Variants in GPC5 observed in about 807,000 individuals in gnomAD.
GPC5 encodes glypican-5.
GPC5 carries 47 observed loss-of-function variants against 53.9 expected under a neutral mutation model. The observed-to-expected ratio is 0.87, with a 90% CI of 0.69 to 1.11. The LOEUF is 1.11. Ranked by LOEUF, GPC5 falls within the 50% of genes most tolerant of loss-of-function variation. The probability of loss-of-function intolerance (pLI) is 0.00; values close to 1 mark genes in which losing one functional copy is unlikely to be tolerated. For missense variants in GPC5, 748 were observed against 713.1 expected, an observed-to-expected ratio of 1.05 and a Z score of -0.56; for synonymous variants, 286 against 263.3, an observed-to-expected ratio of 1.09 and a Z score of -0.84.
chr13:92,846,038 C>T (rs899398638), intron 7 of GPC5, among the ~76,000 whole-genome samples: 1 of 152,010 alleles, frequency 6.6e-6, no homozygotes, highest in Non-Finnish European at 1.5e-5. Flanking sequence ...AATGAACTGC[C>T]CGAGACTGGG....
chr13:91,678,744 T>G (rs892273370), intron 2 of GPC5, among the ~76,000 whole-genome samples: 143 of 152,072 alleles, frequency 9.4e-4, no homozygotes, highest in African/African-American at 3.2e-3. Context: ...TTTGTTTTTT[T>G]TTTTGTACAT....
intron 7 of GPC5, among the ~76,000 whole-genome samples, chr13:92,470,509 C>T (rs867615259): frequency 5.3e-5 from 8 of 151,882 alleles, no homozygotes; most frequent in African/African-American, 1.7e-4. Flanking sequence ...AGCCCTAAAA[C>T]ATCCAGGTCT....
chr13:92,333,639 G>T (rs2043302990), intron 7 of GPC5, among the ~76,000 whole-genome samples: 1 of 152,062 alleles, frequency 6.6e-6, no homozygotes, highest in Admixed American at 6.6e-5. Context: ...TCCTGTTCCT[G>T]ACACCTTACT....
intron 2 of GPC5, among the ~76,000 whole-genome samples, chr13:91,573,731 T>G (rs1262129683): frequency 6.6e-6 from 1 of 152,190 alleles, no homozygotes; most frequent in East Asian, 1.9e-4. Flanking sequence ...TTTACAGTCT[T>G]GGACACTAAG....
rs376623392 is a variant in GPC5 at position 92,471,440 on chromosome 13, C to T, written c.1561+326451C>T. 1.2e-3 allele frequency among the ~76,000 whole-genome samples: 188 copies of T among 152,104 alleles called. 1 individual carries two copies. The South Asian group carries it at 0.032, about 26-fold the overall frequency. On this transcript the variant is annotated intron_variant, in intron 7 of 7. Coordinates refer to ENST00000377067, the MANE Select transcript of GPC5 (RefSeq NM_004466.6). Reference sequence around the variant, plus strand: ...AAGAAAGGGAAGCTCCAAAGAAACACGCTGAGGTCTTTTGGTTACTTATCT... The same window carrying T: ...AAGAAAGGGAAGCTCCAAAGAAACATGCTGAGGTCTTTTGGTTACTTATCT...
At chr13:91,502,234 A>G (rs1884678574) in intron 2 of GPC5, among the ~76,000 whole-genome samples, 1 of 151,898 alleles carries the variant, frequency 6.6e-6, no homozygotes, top group African/African-American at 2.4e-5. Flanking sequence ...TGCTGTGCAG[A>G]AGCTCTTTAG....
At chr13:92,744,504 A>T (rs1409928663) in intron 7 of GPC5, among the ~76,000 whole-genome samples, 1 of 138,822 alleles carries the variant, frequency 7.2e-6, no homozygotes, top group Non-Finnish European at 1.5e-5. Context: ...ACTATACAGG[A>T]AAAAAAAAAA....
intron 7 of GPC5, among the ~76,000 whole-genome samples, chr13:92,826,617 T>G (rs181920298): frequency 2.0e-5 from 3 of 152,300 alleles, no homozygotes; most frequent in Admixed American, 6.5e-5. Context: ...GAGAATCTCC[T>G]TAAAATATAT....
chr13:91,974,554 A>T (rs964093787), intron 6 of GPC5, among the ~76,000 whole-genome samples: 6 of 152,078 alleles, frequency 3.9e-5, no homozygotes, highest in Admixed American at 3.3e-4. Context: ...TAGGAATCCA[A>T]CTTACAAGGG....
chr13:92,629,903 T>C (rs1007764522), intron 7 of GPC5, among the ~76,000 whole-genome samples: 8 of 152,166 alleles, frequency 5.3e-5, no homozygotes, highest in Non-Finnish European at 1.2e-4. Context: ...CTTCAAATAC[T>C]TGATGACAGG....
In GPC5 at chr13:91,603,563, C is replaced by G. The variant is rs149925092; in HGVS notation, c.326-89624C>G. On this transcript the variant is annotated intron_variant, in intron 2 of 7. Transcript: ENST00000377067. ...GAAGATTGCTAAGGCCCAAATGATGCAGGTGTTATTGCTGAATTTACTGAA... is the reference window on the plus strand; with the variant it reads ...GAAGATTGCTAAGGCCCAAATGATGGAGGTGTTATTGCTGAATTTACTGAA... 2.1e-3 allele frequency among the ~76,000 whole-genome samples: 327 copies of G among 152,304 alleles called. 3 individuals are homozygous for G. The highest frequency in any genetic ancestry group is 7.5e-3 in the African/African-American group (310 of 41,576).
At chr13:91,783,096 T>C (rs2037823441) in intron 5 of GPC5, among the ~76,000 whole-genome samples, 1 of 151,902 alleles carries the variant, frequency 6.6e-6, no homozygotes, top group Non-Finnish European at 1.5e-5. Context: ...CTACTAAACA[T>C]ACCAAAAATT....
At chr13:91,965,331 T>A (rs1377974979) in intron 6 of GPC5, among the ~76,000 whole-genome samples, 5 of 152,186 alleles carry the variant, frequency 3.3e-5, no homozygotes, top group African/African-American at 1.2e-4. Context: ...AGAAGGCATT[T>A]TGGTTGTGAA....
At chr13:91,764,085 A>C (rs2037473384) in intron 5 of GPC5, among the ~76,000 whole-genome samples, 1 of 152,156 alleles carries the variant, frequency 6.6e-6, no homozygotes, top group Non-Finnish European at 1.5e-5. Flanking sequence ...CGAATCCTTG[A>C]ACACAGTTGA....
intron 6 of GPC5, among the ~76,000 whole-genome samples, chr13:91,925,826 AT>A (rs1300177230): frequency 6.6e-6 from 1 of 152,232 alleles, no homozygotes; most frequent in African/African-American, 2.4e-5. Context: ...GTCTCAGAGA[AT>A]TAGTCACAAT....
At chr13:91,760,222 G>C (rs1261650354) in intron 5 of GPC5, among the ~76,000 whole-genome samples, 1 of 152,154 alleles carries the variant, frequency 6.6e-6, no homozygotes. Context: ...TTGTCAAAGA[G>C]TTAATACATA....
intron 3 of GPC5, among the ~76,000 whole-genome samples, chr13:91,706,303 A>G (rs2036104748): frequency 6.6e-6 from 1 of 152,100 alleles, no homozygotes; most frequent in South Asian, 2.1e-4. Flanking sequence ...TTTGCCCCAT[A>G]GAGTTATAAG....
At chr13:92,794,380 A>T (rs1876579438) in intron 7 of GPC5, among the ~76,000 whole-genome samples, 1 of 152,170 alleles carries the variant, frequency 6.6e-6, no homozygotes, top group Non-Finnish European at 1.5e-5. Flanking sequence ...GATGGGACGC[A>T]TCTCAAAATA....
At chr13:91,881,057 C>T (rs964944108) in intron 5 of GPC5, among the ~76,000 whole-genome samples, 23 of 152,146 alleles carry the variant, frequency 1.5e-4, no homozygotes, top group African/African-American at 3.4e-4. Context: ...TCCCAAAATG[C>T]GGGGATTACA....
Sources: allele counts gnomAD v4.1 joint callset (sites outside exome capture counted in the v4.1 genomes callset), GRCh38; gene constraint gnomAD v4.1.1; transcripts MANE v1.5; gene names NCBI Gene and HGNC (gene_info 2026-07-23, HGNC 2026-07-21).